The following KYNU variants were observed in gnomAD, a reference collection of about 807,000 sequenced individuals.
The protein encoded by KYNU is kynureninase.
In KYNU, 54 loss-of-function variants were observed where a neutral mutation model predicts 59.2. The observed-to-expected ratio is 0.91, with a 90% CI of 0.73 to 1.14. The LOEUF (loss-of-function observed/expected upper bound fraction) is 1.14, where lower values mean the gene tolerates loss of function less well. KYNU is among the 50% of genes most tolerant of loss of function. The pLI, the probability that KYNU is intolerant of heterozygous loss-of-function variation, is 0.00. For synonymous variants in KYNU, 177 were observed against 192.0 expected, an observed-to-expected ratio of 0.92 and a Z score of 0.65; for missense variants, 567 against 554.4, an observed-to-expected ratio of 1.02 and a Z score of -0.23.
At chr2:143,003,582 AAAAC>A (rs568136017) in intron 10 of KYNU, among the ~76,000 whole-genome samples, 99 of 152,260 alleles carry the variant, frequency 6.5e-4, no homozygotes, top group African/African-American at 2.1e-3. Flanking sequence ...ACTCTGTCTG[AAAAC>A]AAACAAACAA....
At chr2:142,971,430 C>A (rs1446783144) in intron 8 of KYNU, 1 of 152,092 alleles carries the variant, frequency 6.6e-6, no homozygotes, top group Non-Finnish European at 1.5e-5. Context: ...TAGAAACCTG[C>A]AAATGAAATC....
intron 8 of KYNU, among the ~76,000 whole-genome samples, chr2:142,983,739 T>A (rs1300294375): frequency 6.6e-6 from 1 of 152,080 alleles, no homozygotes; most frequent in Non-Finnish European, 1.5e-5. Flanking sequence ...AATTTTAAAA[T>A]GTATTTATTT....
intron 10 of KYNU, among the ~76,000 whole-genome samples, chr2:143,011,080 A>G (rs1183884061): frequency 6.8e-6 from 1 of 146,252 alleles, no homozygotes; most frequent in Non-Finnish European, 1.5e-5. Flanking sequence ...ATTAAACTAA[A>G]GAGCTTCTGC....
chr2:142,917,194 A>G (rs564516282), intron 2 of KYNU, among the ~76,000 whole-genome samples: 2 of 152,318 alleles, frequency 1.3e-5, no homozygotes, highest in East Asian at 3.9e-4. Context: ...ATGCTTCAGA[A>G]AGGGGACCCT....
chr2:142,991,558 T>A (rs1056246307), intron 10 of KYNU, among the ~76,000 whole-genome samples: 5 of 151,926 alleles, frequency 3.3e-5, no homozygotes, highest in African/African-American at 1.2e-4. Context: ...CTACAACTTC[T>A]TGGCTTCTCA....
chr2:143,047,848 ACC>A lies in KYNU; in HGVS notation c.*5677_*5678del, dbSNP rs1238931934. ...TACAGGCATAAGCTGCCACTCCTGG[ACC>A]TCTTTTTTTTTTTTTTTTTTTTTTT... On this transcript the variant is annotated 3_prime_UTR_variant, in exon 14 of 14. Coordinates refer to ENST00000264170, the MANE Select transcript of KYNU (RefSeq NM_003937.3). The A allele has an allele frequency of 7.2e-3, 868 of 120,668 alleles. 145 individuals carry two copies. Among genetic ancestry groups the A allele is most frequent in the African/African-American group, 0.023 (732 of 31,924 alleles). The allele number at this position is 120,668 out of a possible 1,614,324, so 7.5% of individuals were successfully genotyped here.
At chr2:142,942,675 A>G (rs964412295) in intron 4 of KYNU, among the ~76,000 whole-genome samples, 2 of 152,214 alleles carry the variant, frequency 1.3e-5, no homozygotes, top group African/African-American at 4.8e-5. Flanking sequence ...AAAGTTTATT[A>G]AAAAGTTTTA....
intron 2 of KYNU, among the ~76,000 whole-genome samples, chr2:142,889,107 T>C (rs1240852652): frequency 1.3e-5 from 2 of 151,632 alleles, no homozygotes; most frequent in African/African-American, 4.9e-5. Flanking sequence ...CAGGAGCACA[T>C]GATGTAGGAG....
chr2:142,884,688 C>CTTTTTTTTTTT (rs70997529), intron 1 of KYNU, among the ~76,000 whole-genome samples: 119 of 77,038 alleles, frequency 1.5e-3, no homozygotes, highest in South Asian at 3.0e-3. Context: ...TTCTCTTTTC[C>CTTTTTTTTTTT]TTTTTTTTTT....
intron 3 of KYNU, among the ~76,000 whole-genome samples, chr2:142,926,759 A>G (rs568043169): frequency 6.6e-6 from 1 of 152,334 alleles, no homozygotes; most frequent in African/African-American, 2.4e-5. Context: ...GCCCTAACCA[A>G]CAAGGTGACA....
intron 12 of KYNU, among the ~76,000 whole-genome samples, chr2:143,036,071 T>A (rs1227142620): frequency 2.0e-5 from 3 of 151,900 alleles, no homozygotes; most frequent in Non-Finnish European, 4.4e-5. Context: ...ATTTTTAAAT[T>A]TTTTTAGAGA....
At chr2:142,896,169 T>C (rs1395331315) in intron 2 of KYNU, among the ~76,000 whole-genome samples, 1 of 152,222 alleles carries the variant, frequency 6.6e-6, no homozygotes, top group Non-Finnish European at 1.5e-5. Flanking sequence ...CTGGATCATA[T>C]TATAGGTATA....
At position 143,051,612 on chromosome 2, in the gene KYNU, A is replaced by G. The variant is rs372017744; in HGVS notation, c.*9440A>G. The G allele has an allele frequency of 6.6e-6, 1 of 152,178 alleles. No individual in the cohort carries two copies. Among genetic ancestry groups the G allele is most frequent in the East Asian group, 1.9e-4 (1 of 5,200 alleles). The allele number at this position is 152,178 out of a possible 1,614,324, so 9.4% of individuals were successfully genotyped here. On this transcript the variant is annotated 3_prime_UTR_variant, in exon 14 of 14. Transcript: ENST00000264170. ...AGGACTTTCCCATGATGTTCTCATG[A>G]TAATGAATAAGTTTCATGAGATCTG... is the stretch of plus-strand genomic sequence containing the variant.
intron 8 of KYNU, among the ~76,000 whole-genome samples, chr2:142,972,194 CT>C (rs1280451596): frequency 6.6e-6 from 1 of 152,118 alleles, no homozygotes. Flanking sequence ...GAAATTTGCT[CT>C]TTCAAGCATA....
intron 4 of KYNU, among the ~76,000 whole-genome samples, chr2:142,934,026 A>G (rs1683307427): frequency 2.6e-5 from 4 of 152,224 alleles, no homozygotes; most frequent in Admixed American, 2.6e-4. Context: ...GAACTACTAG[A>G]CATACTGGGA....
At chr2:142,901,504 T>C (rs1682087309) in intron 2 of KYNU, among the ~76,000 whole-genome samples, 1 of 152,198 alleles carries the variant, frequency 6.6e-6, no homozygotes, top group Admixed American at 6.5e-5. Flanking sequence ...CTTTTCTTTC[T>C]GATGACCCCG....
rs541563215 is a variant in KYNU, at chr2:142,886,230, T to TA, written c.169+695dup. Among the ~76,000 whole-genome samples the TA allele has an allele frequency of 1.7e-3, 255 of 152,336 alleles. 2 individuals carry two copies. The highest frequency in any genetic ancestry group is 5.7e-3 in the African/African-American group (236 of 41,578). On this transcript the variant is annotated intron_variant, in intron 2 of 13. Transcript: ENST00000264170. ...AAAAGGTTCCCAGGTTGAATGGAAT[T>TA]AGTCTACCAAACTGGGTTTCGCATC...
rs868846395 is a variant in KYNU, at chr2:142,905,033, G to T, written c.170-13576G>T. ...TCAAGATGCATTCCCATAAACAACA[G>T]TTCTTATGCAAATTCGTTTCAGAGA... On this transcript the variant is annotated intron_variant, in intron 2 of 13. Coordinates refer to ENST00000264170, the MANE Select transcript of KYNU (RefSeq NM_003937.3). Among the ~76,000 whole-genome samples the T allele has an allele frequency of 2.6e-5, 4 of 152,262 alleles. No individual in the cohort carries two copies. The South Asian group carries it at 8.3e-4, about 32-fold the overall frequency.
At chr2:142,973,508 G>T (rs1684797590) in intron 8 of KYNU, among the ~76,000 whole-genome samples, 1 of 152,104 alleles carries the variant, frequency 6.6e-6, no homozygotes, top group Admixed American at 6.6e-5. Context: ...ATTGGCAACA[G>T]CTCCCAGCAA....
Sources: gnomAD v4.1 joint callset for allele counts (sites outside exome capture counted in the v4.1 genomes callset) on GRCh38, gnomAD v4.1.1 for gene constraint, MANE v1.5 for transcripts, NCBI Gene and HGNC (gene_info 2026-07-23, HGNC 2026-07-21) for gene names.